Variants in WDR49 observed in about 807,000 individuals in gnomAD.
The protein encoded by WDR49 is WD repeat domain 49, also known as cilia- and flagella-associated protein 337.
WDR49 carries 107 observed loss-of-function variants against 119.5 expected under a neutral mutation model. The observed-to-expected ratio is 0.90, with a 90% CI of 0.77 to 1.05. The LOEUF is 1.05. WDR49 is among the 50% of genes least tolerant of loss of function. The pLI is 0.00. For synonymous variants in WDR49, 425 were observed against 418.8 expected, an observed-to-expected ratio of 1.01 and a Z score of -0.18; for missense variants, 1,240 against 1,220.5, an observed-to-expected ratio of 1.02 and a Z score of -0.24.
At chr3:167,506,113 C>G (rs1000295813) in intron 16 of WDR49, among the ~76,000 whole-genome samples, 8 of 152,208 alleles carry the variant, frequency 5.3e-5, no homozygotes, top group African/African-American at 1.2e-4. Context: ...TCCATCGTCT[C>G]AAAATCGTGG....
intron 2 of WDR49, among the ~76,000 whole-genome samples, chr3:167,636,680 G>A (rs984113615): frequency 6.6e-6 from 1 of 151,512 alleles, no homozygotes; most frequent in East Asian, 1.9e-4. Flanking sequence ...TTTGATTATG[G>A]TCATTCTGCA....
chr3:167,652,715 A>T (rs1219683196), intron 2 of WDR49, among the ~76,000 whole-genome samples: 1 of 152,176 alleles, frequency 6.6e-6, no homozygotes, highest in Non-Finnish European at 1.5e-5. Flanking sequence ...GCATTGTTCC[A>T]GGATTTACAA....
chr3:167,500,033 T>C, intron 18 of WDR49, 120 bp downstream of exon 18: 1 of 1,179,402 alleles, frequency 8.5e-7, no homozygotes, highest in Non-Finnish European at 1.1e-6. Context: ...CAAACCACAC[T>C]TTGTTTCACT....
intron 8 of WDR49, among the ~76,000 whole-genome samples, chr3:167,561,072 C>T (rs7651024): frequency 6.6e-6 from 1 of 151,658 alleles, no homozygotes; most frequent in Non-Finnish European, 1.5e-5. Context: ...TTTAAGGAAG[C>T]TTAAAGCATT....
chr3:167,621,641 T>G lies in WDR49; in HGVS notation c.609A>C (p.Ile203=). ...CCTCTTTACTTGTAAAAGCCACTGC[T>G]ATCTAAAGTAGCAGAGTAGAAAATC... The part of the protein sequence containing the change: ...SLVSLENVNK[I]AVAFTSKEVC... The change falls in exon 4 of 19, where the codon ATA becomes ATC. Residue 203 remains isoleucine (I), a splice_region_variant and synonymous_variant. Coordinates refer to ENST00000682715, the MANE Select transcript of WDR49 (RefSeq NM_001366157.1). 6.5e-7 allele frequency: 1 copy of G among 1,527,398 alleles called. No homozygotes were observed. Among genetic ancestry groups the G allele is most frequent in the East Asian group, 2.5e-5 (1 of 40,800 alleles). The allele number at this position is 1,527,398 out of a possible 1,614,324, so 94.6% of individuals were successfully genotyped here.
chr3:167,653,544 G>A, intron 1 of WDR49, 45 bp from the exon 2 acceptor site: 3 of 1,271,432 alleles, frequency 2.4e-6, no homozygotes, highest in South Asian at 3.6e-5. Flanking sequence ...CAAAATGAAA[G>A]TACAAACCTT....
rs1712257899 is a variant in WDR49, at chr3:167,547,193, A to G, written c.1823+7457T>C. ...GTTATAGTTTCTTAGTAAGGCAATT[A>G]TTAAGAATGTAATATCTTGTGATAT... On this transcript the variant is annotated intron_variant, in intron 10 of 18. Coordinates refer to ENST00000682715, the MANE Select transcript of WDR49 (RefSeq NM_001366157.1). 2.6e-5 allele frequency among the ~76,000 whole-genome samples: 4 copies of G among 151,892 alleles called. No individual in the cohort carries two copies. In the South Asian group the frequency reaches 8.3e-4, roughly 31 times the overall value.
intron 8 of WDR49, among the ~76,000 whole-genome samples, chr3:167,563,109 G>A (rs1311429144): frequency 1.3e-5 from 2 of 152,144 alleles, no homozygotes; most frequent in African/African-American, 4.8e-5. Flanking sequence ...GCTCACGCCT[G>A]TAATTGCAGC....
chr3:167,516,353 G>T (rs1752202067), intron 16 of WDR49, among the ~76,000 whole-genome samples: 1 of 149,204 alleles, frequency 6.7e-6, no homozygotes, highest in African/African-American at 2.5e-5. Flanking sequence ...TGTGGTGTTT[G>T]GTTTTTTGTC....
At chr3:167,608,917 T>C (rs1247768641) in intron 5 of WDR49, among the ~76,000 whole-genome samples, 1 of 152,138 alleles carries the variant, frequency 6.6e-6, no homozygotes, top group East Asian at 1.9e-4. Flanking sequence ...TGCCACACAG[T>C]CATAAAAAAA....
At chr3:167,482,313 T>C (rs1750745203) in intron 18 of WDR49, among the ~76,000 whole-genome samples, 1 of 151,990 alleles carries the variant, frequency 6.6e-6, no homozygotes, top group Non-Finnish European at 1.5e-5. Context: ...CTATAAATGG[T>C]GTCAATATGC....
At chr3:167,586,174 A>G (rs1467770061) in intron 7 of WDR49, among the ~76,000 whole-genome samples, 1 of 152,216 alleles carries the variant, frequency 6.6e-6, no homozygotes, top group East Asian at 1.9e-4. Flanking sequence ...TGACCAAATC[A>G]GGATTAGTGG....
intron 8 of WDR49, chr3:167,575,149 T>C (rs1165270230): frequency 1.0e-6 from 1 of 985,400 alleles, no homozygotes; most frequent in Admixed American, 6.1e-5. Flanking sequence ...GCTCCTGCTG[T>C]GCTGTTACCA....
chr3:167,485,832 G>T (rs1264883319), intron 18 of WDR49, among the ~76,000 whole-genome samples: 7 of 152,078 alleles, frequency 4.6e-5, no homozygotes, highest in Non-Finnish European at 5.9e-5. Flanking sequence ...ATATATTTGA[G>T]GATATAGTCC....
chr3:167,491,484 A>G (rs1344401625), intron 18 of WDR49, among the ~76,000 whole-genome samples: 29 of 152,036 alleles, frequency 1.9e-4, no homozygotes. Context: ...CCTCTACAAA[A>G]GCTCAGACCT....
chr3:167,584,659 A>G (rs1351737379), intron 7 of WDR49, among the ~76,000 whole-genome samples: 1 of 152,162 alleles, frequency 6.6e-6, no homozygotes, highest in African/African-American at 2.4e-5. Context: ...AGATGATGAT[A>G]ACAATGGCAT....
intron 15 of WDR49, among the ~76,000 whole-genome samples, chr3:167,524,078 T>C (rs905436803): frequency 6.6e-6 from 1 of 152,214 alleles, no homozygotes; most frequent in Non-Finnish European, 1.5e-5. Context: ...GACTTTTTAA[T>C]GATTGCCATT....
rs1274645004 is a variant in WDR49 at position 167,537,004 on chromosome 3, G to C, written c.1824-4C>G. 2.6e-6 allele frequency: 4 copies of C among 1,567,834 alleles called. No homozygotes were observed. The highest frequency in any genetic ancestry group is 3.4e-6 in the Non-Finnish European group (4 of 1,160,132). Reference sequence around the variant, plus strand: ...GGGTCGAAACACAGTAATAGCCCTAGCAAAAAGGATATAGAATTTAGCTGT... The same window carrying C: ...GGGTCGAAACACAGTAATAGCCCTACCAAAAAGGATATAGAATTTAGCTGT... On this transcript the variant is annotated splice_polypyrimidine_tract_variant and splice_region_variant and intron_variant, in intron 10 of 18. Transcript: ENST00000682715.
intron 5 of WDR49, among the ~76,000 whole-genome samples, chr3:167,606,780 G>A (rs1298471461): frequency 6.6e-6 from 1 of 152,190 alleles, no homozygotes; most frequent in African/African-American, 2.4e-5. Flanking sequence ...TATAAGGGCA[G>A]AGAGGGCAGT....
Sources: allele counts gnomAD v4.1 joint callset (sites outside exome capture counted in the v4.1 genomes callset), GRCh38; gene constraint gnomAD v4.1.1; transcripts MANE v1.5; gene names NCBI Gene and HGNC (gene_info 2026-07-23, HGNC 2026-07-21).